Variants in FUT9 observed in about 807,000 individuals in gnomAD.
FUT9 encodes 4-galactosyl-N-acetylglucosaminide 3-alpha-L-fucosyltransferase 9.
A neutral mutation model predicts 29.7 loss-of-function variants in FUT9; 15 were observed. The ratio of observed to expected loss-of-function variants is 0.51; its 90% CI spans 0.34 to 0.78. The LOEUF is 0.78. Ranked by LOEUF, FUT9 falls within the 30% of genes least tolerant of loss-of-function variation. The pLI, the probability that FUT9 is intolerant of heterozygous loss-of-function variation, is 0.01. For synonymous variants in FUT9, 169 were observed against 153.7 expected, an observed-to-expected ratio of 1.10 and a Z score of -0.74; for missense variants, 319 against 425.4, an observed-to-expected ratio of 0.75 and a Z score of 2.20.
At chr6:96,083,859 C>A (rs1308264545) in intron 1 of FUT9, among the ~76,000 whole-genome samples, 1 of 152,068 alleles carries the variant, frequency 6.6e-6, no homozygotes, top group East Asian at 1.9e-4. Context: ...TATTTTCATG[C>A]ATGTATTCTT....
At chr6:96,054,638 T>C (rs1770730464) in intron 1 of FUT9, among the ~76,000 whole-genome samples, 1 of 152,176 alleles carries the variant, frequency 6.6e-6, no homozygotes, top group African/African-American at 2.4e-5. Flanking sequence ...TAGATTCAAA[T>C]GTGAAACAAT....
At chr6:96,078,736 C>T (rs1025858367) in intron 1 of FUT9, among the ~76,000 whole-genome samples, 8 of 151,814 alleles carry the variant, frequency 5.3e-5, no homozygotes, top group African/African-American at 1.9e-4. Flanking sequence ...AGAGTCTTAA[C>T]CAAATTTTTC....
chr6:96,059,416 G>C (rs778192971), intron 1 of FUT9, among the ~76,000 whole-genome samples: 13 of 152,146 alleles, frequency 8.5e-5, no homozygotes, highest in Non-Finnish European at 1.9e-4. Flanking sequence ...ACACATACCA[G>C]AAAGTTAATG....
chr6:96,206,896 C>T lies in FUT9; in HGVS notation c.*2661C>T, dbSNP rs1442470002. On this transcript the variant is annotated 3_prime_UTR_variant, in exon 3 of 3. Transcript: ENST00000302103. ...CTAAAGGCAGTGTCTCTATTGTTGA[C>T]TACAAATGTAGGCTCTTTGTTGGAC... is the stretch of plus-strand genomic sequence containing the variant. 6.0e-6 allele frequency: 1 copy of T among 167,040 alleles called. No individual in the cohort carries two copies. The highest frequency in any genetic ancestry group is 1.9e-4 in the East Asian group (1 of 5,200). 10.3% of individuals were successfully genotyped at this position (167,040 alleles called of 1,614,324 possible).
At chr6:96,172,543 C>T (rs1233614972) in intron 2 of FUT9, among the ~76,000 whole-genome samples, 1 of 151,844 alleles carries the variant, frequency 6.6e-6, no homozygotes, top group Non-Finnish European at 1.5e-5. Context: ...AAATTTTTGC[C>T]CCTTTCTAGG....
At chr6:96,139,023 A>C (rs1476550044) in intron 2 of FUT9, among the ~76,000 whole-genome samples, 1 of 152,234 alleles carries the variant, frequency 6.6e-6, no homozygotes, top group Admixed American at 6.5e-5. Context: ...AATGACCAGC[A>C]GATAGAAATT....
Position 96,213,973 on chromosome 6 carries a change from A to C in FUT9, c.*9738A>C, listed in dbSNP as rs1241989369. 1 of 166,944 alleles carries C rather than the reference A, an allele frequency of 6.0e-6. No homozygotes were observed. Among genetic ancestry groups the C allele is most frequent in the Non-Finnish European group, 1.5e-5 (1 of 68,042 alleles). The allele number at this position is 166,944 out of a possible 1,614,324, so 10.3% of individuals were successfully genotyped here. ...GCCACTCACACACAGGCTCTGTCTC[A>C]ATCCGTATGCATGATTCACGTCCTT... is the stretch of plus-strand genomic sequence containing the variant. On this transcript the variant is annotated 3_prime_UTR_variant, in exon 3 of 3. Coordinates refer to ENST00000302103, the MANE Select transcript of FUT9 (RefSeq NM_006581.4).
At chr6:96,134,556 A>G (rs1350884794) in intron 2 of FUT9, among the ~76,000 whole-genome samples, 1 of 151,928 alleles carries the variant, frequency 6.6e-6, no homozygotes, top group Non-Finnish European at 1.5e-5. Context: ...TTCAGTTCAT[A>G]AAAGTAATCA....
At chr6:96,110,433 C>T (rs183106857) in intron 1 of FUT9, among the ~76,000 whole-genome samples, 4 of 152,204 alleles carry the variant, frequency 2.6e-5, no homozygotes, top group East Asian at 1.9e-4. Context: ...ACTTGGGATC[C>T]ACATGTTAGC....
chr6:96,080,759 C>A (rs1046638764), intron 1 of FUT9, among the ~76,000 whole-genome samples: 1 of 151,876 alleles, frequency 6.6e-6, no homozygotes, highest in Non-Finnish European at 1.5e-5. Flanking sequence ...AAATTTGTAT[C>A]ATCAGCCTTG....
At chr6:96,158,603 C>T (rs1477419232) in intron 2 of FUT9, among the ~76,000 whole-genome samples, 1 of 152,068 alleles carries the variant, frequency 6.6e-6, no homozygotes, top group Non-Finnish European at 1.5e-5. Flanking sequence ...GAAGGACAGA[C>T]ACTCATTAAT....
chr6:96,203,630 C>T lies in FUT9; in HGVS notation c.475C>T (p.Arg159Cys), dbSNP rs765735833. ...CTTGTTTAACCTGACTCTGACTTACCGCCGTGATTCAGATATCCAAGTGCC... is the reference window on the plus strand; with the variant it reads ...CTTGTTTAACCTGACTCTGACTTACTGCCGTGATTCAGATATCCAAGTGCC... ...EHLFNLTLTY[R>C]RDSDIQVPYG... Residue 159 changes from arginine to cysteine, a missense_variant, in exon 3 of 3, where the codon CGC (arginine) becomes TGC (cysteine). By Grantham distance (180) the Arg-to-Cys change is radical (BLOSUM62 -3). Coordinates refer to ENST00000302103, the MANE Select transcript of FUT9 (RefSeq NM_006581.4). 1.2e-6 allele frequency: 2 copies of T among 1,613,974 alleles called. No individual in the cohort carries two copies. The highest frequency in any genetic ancestry group is 1.7e-6 in the Non-Finnish European group (2 of 1,179,964).
chr6:96,131,151 C>T (rs766872410), intron 2 of FUT9, among the ~76,000 whole-genome samples: 1 of 151,896 alleles, frequency 6.6e-6, no homozygotes, highest in African/African-American at 2.4e-5. Flanking sequence ...TTCTCTTTTA[C>T]TCTAAATTAT....
intron 2 of FUT9, among the ~76,000 whole-genome samples, chr6:96,178,106 C>T (rs1773239062): frequency 2.0e-5 from 3 of 152,064 alleles, no homozygotes; most frequent in Admixed American, 6.6e-5. Flanking sequence ...TTGCTGGGTG[C>T]AGAGGCCCAG....
At chr6:96,113,682 C>G (rs1231720595) in intron 1 of FUT9, among the ~76,000 whole-genome samples, 2 of 151,564 alleles carry the variant, frequency 1.3e-5, no homozygotes, top group Non-Finnish European at 2.9e-5. Context: ...GAAACCCCAC[C>G]TCTACTAAAA....
chr6:96,041,383 A>G (rs1770456265), intron 1 of FUT9, among the ~76,000 whole-genome samples: 1 of 152,112 alleles, frequency 6.6e-6, no homozygotes, highest in African/African-American at 2.4e-5. Flanking sequence ...AAATTTCATA[A>G]GCTTTGTGTA....
chr6:96,087,941 T>C (rs1382894312), intron 1 of FUT9, among the ~76,000 whole-genome samples: 1 of 152,176 alleles, frequency 6.6e-6, no homozygotes, highest in African/African-American at 2.4e-5. Context: ...AGCTCTTGTA[T>C]GTGTCTGAGA....
At chr6:96,116,737 G>T (rs1212342473) in intron 2 of FUT9, among the ~76,000 whole-genome samples, 1 of 152,090 alleles carries the variant, frequency 6.6e-6, no homozygotes, top group African/African-American at 2.4e-5. Flanking sequence ...TTCTGAAAAA[G>T]CCAAAACATA....
rs151014565 is a variant in FUT9 at position 96,057,007 on chromosome 6, A to T, written c.-98+40795A>T. Among the ~76,000 whole-genome samples, 696 of 152,328 alleles carry T rather than the reference A, an allele frequency of 4.6e-3. 6 individuals carry two copies. The highest frequency in any genetic ancestry group is 0.016 in the African/African-American group (664 of 41,576). On this transcript the variant is annotated intron_variant, in intron 1 of 2. Coordinates refer to ENST00000302103, the MANE Select transcript of FUT9 (RefSeq NM_006581.4). ...GATATCCAATACTTTATTATAAAAT[A>T]GGCATTGTGTTAGATGATTTTGCCT... is the stretch of plus-strand genomic sequence containing the variant.
Sources: gnomAD v4.1 joint callset for allele counts (sites outside exome capture counted in the v4.1 genomes callset) on GRCh38, gnomAD v4.1.1 for gene constraint, MANE v1.5 for transcripts, NCBI Gene and HGNC (gene_info 2026-07-23, HGNC 2026-07-21) for gene names.